PTPN2: variants seen among roughly 807,000 people sequenced by gnomAD.
PTPN2 encodes the protein protein tyrosine phosphatase non-receptor type 2.
PTPN2 carries 19 observed loss-of-function variants against 57.3 expected under a neutral mutation model. That is an observed-to-expected ratio of 0.33 (90% CI 0.23 to 0.49). The LOEUF is 0.49. PTPN2 is among the 20% of genes least tolerant of loss of function. PTPN2 has a pLI of 0.99. For synonymous variants in PTPN2, 153 were observed against 164.9 expected (o/e 0.93, Z 0.55); for missense variants, 358 against 501.1 (o/e 0.71, Z 2.73).
At chr18:12,819,300 T>A (rs1205183303) in intron 5 of PTPN2, 2 of 1,217,000 alleles carry the variant, frequency 1.6e-6, no homozygotes, top group Admixed American at 5.7e-5. Flanking sequence ...CAATAAAAAA[T>A]TTCTCCATTA....
chr18:12,852,654 T>C (rs1182203160), intron 2 of PTPN2, among the ~76,000 whole-genome samples: 3 of 152,214 alleles, frequency 2.0e-5, no homozygotes, highest in Non-Finnish European at 4.4e-5. Context: ...GCGTTGGGAC[T>C]ACAATCATGA....
chr18:12,858,744 C>T (rs1047488440), intron 2 of PTPN2, among the ~76,000 whole-genome samples: 4 of 152,028 alleles, frequency 2.6e-5, no homozygotes, highest in Non-Finnish European at 5.9e-5. Flanking sequence ...AAGTTTTCTA[C>T]AGCGAGTACA....
intron 8 of PTPN2, among the ~76,000 whole-genome samples, chr18:12,797,199 C>T (rs1339810528): frequency 2.6e-5 from 4 of 152,088 alleles, no homozygotes; most frequent in Non-Finnish European, 2.9e-5. Context: ...CCCATGGGCC[C>T]TTTATTAGCT....
intron 3 of PTPN2, among the ~76,000 whole-genome samples, chr18:12,835,289 T>C (rs1009152249): frequency 1.3e-5 from 2 of 152,066 alleles, no homozygotes; most frequent in African/African-American, 4.8e-5. Flanking sequence ...TTACTAATGG[T>C]ATATGTATGA....
chr18:12,882,983 G>T (rs77245262), intron 1 of PTPN2, among the ~76,000 whole-genome samples: 8 of 152,178 alleles, frequency 5.3e-5, no homozygotes, highest in Admixed American at 3.9e-4. Context: ...TTTTAAAAGA[G>T]ATAAAGTTTT....
In PTPN2 at chr18:12,793,090, C is replaced by T. The variant is rs1200770327; in HGVS notation, c.*1188G>A. ...TAATAATGTATGCTATCCATGCCTC[C>T]TAGCAATTAAATTTGTAACAACAAT... is the stretch of plus-strand genomic sequence containing the variant. On this transcript the variant is annotated 3_prime_UTR_variant, in exon 9 of 9. Coordinates refer to ENST00000309660, the MANE Select transcript of PTPN2 (RefSeq NM_002828.4). 1.0e-6 allele frequency: 1 copy of T among 984,852 alleles called. No individual in the cohort carries two copies. Among genetic ancestry groups the T allele is most frequent in the African/African-American group, 1.7e-5 (1 of 57,240 alleles). 61.0% of individuals were successfully genotyped at this position (984,852 alleles called of 1,614,324 possible).
intron 1 of PTPN2, among the ~76,000 whole-genome samples, chr18:12,874,079 C>A (rs947100904): frequency 2.0e-5 from 3 of 151,426 alleles, no homozygotes; most frequent in East Asian, 2.0e-4. Context: ...AAGTGAGGAG[C>A]CCCTCCGCCC....
intron 7 of PTPN2, among the ~76,000 whole-genome samples, chr18:12,813,114 C>A (rs2041953042): frequency 6.6e-6 from 1 of 151,964 alleles, no homozygotes; most frequent in African/African-American, 2.4e-5. Context: ...AGGAAGCAGG[C>A]AGGGAAGGCG....
chr18:12,869,663 T>C (rs1167761130), intron 1 of PTPN2, among the ~76,000 whole-genome samples: 1 of 152,202 alleles, frequency 6.6e-6, no homozygotes. Context: ...TAGTAGCAAA[T>C]AAGAACTTAG....
intron 6 of PTPN2, among the ~76,000 whole-genome samples, chr18:12,815,453 GAAGA>G (rs2042043758): frequency 1.3e-5 from 2 of 151,894 alleles, no homozygotes; most frequent in African/African-American, 4.8e-5. Context: ...AAAATAAAAT[GAAGA>G]AAGACGGTGG....
intron 9 of PTPN2, chr18:12,786,106 T>G (rs1177221113): frequency 2.1e-6 from 1 of 479,274 alleles, no homozygotes; most frequent in African/African-American, 2.0e-5. Flanking sequence ...TCAAGAATTA[T>G]GTGAATTCTT....
chr18:12,860,174 A>G lies in PTPN2; in HGVS notation c.70-920T>C, dbSNP rs551491299. Among the ~76,000 whole-genome samples the G allele has an allele frequency of 1.5e-4, 23 of 152,268 alleles. No individual in the cohort carries two copies. The East Asian group carries it at 3.9e-3, about 26-fold the overall frequency. ...CGTGGTGATGGGTGCCTGTAATCCC[A>G]GCTACTCGGGAGGCTGAGGCAGAAG... On this transcript the variant is annotated intron_variant, in intron 1 of 8. Transcript: ENST00000309660.
intron 9 of PTPN2, chr18:12,786,812 T>C (rs2040855235): frequency 6.6e-6 from 1 of 152,204 alleles, no homozygotes; most frequent in African/African-American, 2.4e-5. Flanking sequence ...CCAAGCACCT[T>C]GGTGTTCTGA....
intron 8 of PTPN2, among the ~76,000 whole-genome samples, chr18:12,801,364 T>G (rs1348338415): frequency 1.3e-5 from 2 of 151,930 alleles, no homozygotes; most frequent in African/African-American, 4.8e-5. Flanking sequence ...AATACAAAAA[T>G]TAGCTGGACA....
chr18:12,870,267 A>ATGTGTGTG (rs1210158995), intron 1 of PTPN2, among the ~76,000 whole-genome samples: 10 of 96,350 alleles, frequency 1.0e-4, no homozygotes, highest in African/African-American at 5.9e-4. Context: ...GCATATATAT[A>ATGTGTGTG]TATATGTATA....
chr18:12,834,567 GAGT>G (rs1165934583), intron 3 of PTPN2, among the ~76,000 whole-genome samples: 2 of 152,130 alleles, frequency 1.3e-5, no homozygotes, highest in East Asian at 3.8e-4. Context: ...GCCTGCCACA[GAGT>G]AGGTCTCAGT....
At chr18:12,797,814 C>T (rs560185803) in intron 8 of PTPN2, among the ~76,000 whole-genome samples, 1 of 152,274 alleles carries the variant, frequency 6.6e-6, no homozygotes, top group Non-Finnish European at 1.5e-5. Context: ...CTCCCTGTAG[C>T]CTCAACCTCT....
intron 1 of PTPN2, among the ~76,000 whole-genome samples, chr18:12,871,523 T>G (rs1400701026): frequency 6.6e-6 from 1 of 151,776 alleles, no homozygotes; most frequent in Non-Finnish European, 1.5e-5. Context: ...TGTTATATAT[T>G]GAAAATATTT....
chr18:12,828,956 G>T (rs766643868), intron 4 of PTPN2, among the ~76,000 whole-genome samples: 17 of 152,028 alleles, frequency 1.1e-4, no homozygotes, highest in African/African-American at 2.4e-5. Context: ...GGAGTGCAGT[G>T]GCACGACCAT....
Sources: gnomAD v4.1 joint callset for allele counts (sites outside exome capture counted in the v4.1 genomes callset) on GRCh38, gnomAD v4.1.1 for gene constraint, MANE v1.5 for transcripts, NCBI Gene and HGNC (gene_info 2026-07-23, HGNC 2026-07-21) for gene names.